Variants in HECW1 observed in about 807,000 individuals in gnomAD.
HECW1 encodes the protein HECT, C2 and WW domain containing E3 ubiquitin protein ligase 1.
In HECW1, 61 loss-of-function variants were observed where a neutral mutation model predicts 182.3. The observed-to-expected ratio is 0.33, with a 90% CI of 0.27 to 0.41. The LOEUF (loss-of-function observed/expected upper bound fraction) is 0.41. HECW1 is among the 10% of genes least tolerant of loss of function. The probability of loss-of-function intolerance (pLI) is 1.00; values close to 1 mark genes in which losing one functional copy is unlikely to be tolerated. For missense variants in HECW1, 1,739 were observed against 2,108.9 expected (o/e 0.82, Z 3.44); for synonymous variants, 859 against 832.6 (o/e 1.03, Z -0.55).
At chr7:43,555,103 C>A (rs561799247) in intron 29 of HECW1, among the ~76,000 whole-genome samples, 1 of 152,250 alleles carries the variant, frequency 6.6e-6, no homozygotes, top group African/African-American at 2.4e-5. Flanking sequence ...AGGGCAGAGG[C>A]AAGGACATTA....
intron 24 of HECW1, among the ~76,000 whole-genome samples, chr7:43,540,600 T>A (rs767131426): frequency 5.3e-5 from 8 of 152,236 alleles, no homozygotes; most frequent in Non-Finnish European, 1.2e-4. Flanking sequence ...TTTATGTGGC[T>A]GGCAATTTTA....
At chr7:43,240,316 C>T (rs968859788) in intron 2 of HECW1, among the ~76,000 whole-genome samples, 10 of 151,948 alleles carry the variant, frequency 6.6e-5, no homozygotes, top group African/African-American at 1.7e-4. Context: ...CCAGCCTAGG[C>T]GACAGAGCAA....
chr7:43,269,399 C>T (rs1015374965), intron 3 of HECW1, among the ~76,000 whole-genome samples: 1 of 152,220 alleles, frequency 6.6e-6, no homozygotes, highest in Non-Finnish European at 1.5e-5. Context: ...GTTGATTCCT[C>T]CAGGAGGTTT....
intron 3 of HECW1, among the ~76,000 whole-genome samples, chr7:43,287,652 T>C (rs1804829750): frequency 6.6e-6 from 1 of 151,666 alleles, no homozygotes. Context: ...TTTAGGTTTT[T>C]TAAAGGTTTC....
chr7:43,186,460 G>T (rs1042075994), intron 2 of HECW1, among the ~76,000 whole-genome samples: 24 of 152,216 alleles, frequency 1.6e-4, no homozygotes, highest in African/African-American at 5.3e-4. Flanking sequence ...GAGGTCAGGA[G>T]ATTGAGACCA....
intron 24 of HECW1, among the ~76,000 whole-genome samples, chr7:43,524,238 G>A (rs937309896): frequency 1.2e-4 from 18 of 152,196 alleles, no homozygotes; most frequent in African/African-American, 4.3e-4. Flanking sequence ...AAGAGTGTGA[G>A]AAAAAAAGCT....
At chr7:43,295,204 G>T (rs879791534) in intron 3 of HECW1, among the ~76,000 whole-genome samples, 1 of 152,134 alleles carries the variant, frequency 6.6e-6, no homozygotes, top group Non-Finnish European at 1.5e-5. Context: ...AGTTCTGCCT[G>T]TTATTTGTCC....
In HECW1 at chr7:43,211,551, A is replaced by G. The variant is rs551137528; in HGVS notation, c.-31-32324A>G. Among the ~76,000 whole-genome samples, 17 of 152,250 alleles carry G rather than the reference A, an allele frequency of 1.1e-4. No individual in the cohort carries two copies. The South Asian group carries it at 3.1e-3, about 28-fold the overall frequency. On this transcript the variant is annotated intron_variant, in intron 2 of 29. Transcript: ENST00000395891. ...GATTCCCAGGGGTGAAAGACTTTCC[A>G]AGGGGGACTCAAGCATGGAGATTCT...
intron 5 of HECW1, among the ~76,000 whole-genome samples, chr7:43,329,259 G>C (rs1811166710): frequency 6.6e-6 from 1 of 152,058 alleles, no homozygotes; most frequent in Admixed American, 6.6e-5. Flanking sequence ...AGGAGCCCAG[G>C]GTCAGAGGTT....
In HECW1 at chr7:43,167,673, C is replaced by T. The variant is rs115496254; in HGVS notation, c.-32+53282C>T. ...AAAAAAGAAGGATGAGGGATTGTGG[C>T]GTAAAAGCCAAACCTTCACAAATTT... On this transcript the variant is annotated intron_variant, in intron 2 of 29. Coordinates refer to ENST00000395891, the MANE Select transcript of HECW1 (RefSeq NM_015052.5). Among the ~76,000 whole-genome samples the T allele has an allele frequency of 7.0e-3, 1,069 of 152,240 alleles. 7 individuals carry two copies. Among genetic ancestry groups the T allele is most frequent in the African/African-American group, 0.024 (1,014 of 41,536 alleles).
At chr7:43,544,267 T>G (rs1259037531) in intron 26 of HECW1, among the ~76,000 whole-genome samples, 1 of 152,194 alleles carries the variant, frequency 6.6e-6, no homozygotes, top group African/African-American at 2.4e-5. Flanking sequence ...GACTATTTCT[T>G]TCAATATCAG....
At chr7:43,299,561 C>T (rs1171415453) in intron 3 of HECW1, among the ~76,000 whole-genome samples, 2 of 152,206 alleles carry the variant, frequency 1.3e-5, no homozygotes, top group African/African-American at 4.8e-5. Flanking sequence ...TTCCAAACTG[C>T]CTCAATTGTT....
At position 43,488,434 on chromosome 7, in the gene HECW1, G is replaced by GAGAAAGAAAAAGAA. The variant is rs1554440504; in HGVS notation, c.3235-3632_3235-3631insAAGAAAGAAAGAAA. 6.4e-5 allele frequency among the ~76,000 whole-genome samples: 6 copies of GAGAAAGAAAAAGAA among 93,082 alleles called. No homozygotes were observed. The East Asian group carries it at 1.5e-3, about 23-fold the overall frequency. The allele number at this position is 93,082 out of a possible 152,430, so 61.1% of individuals were successfully genotyped here. A position where few individuals can be genotyped will look rare whatever the true frequency, so the allele number is the denominator to read the frequency against. Reference sequence around the variant, plus strand: ...AAAGAGAGAGAGAGAAAGAAAGAAAGAGAAAGAAAGAAAGAAAGAAAGAAA... The same window carrying GAGAAAGAAAAAGAA: ...AAAGAGAGAGAGAGAAAGAAAGAAAGAGAAAGAAAAAGAAAGAAAGAAAGAAAGAAAGAAAGAAA... On this transcript the variant is annotated intron_variant, in intron 17 of 29. Coordinates refer to ENST00000395891, the MANE Select transcript of HECW1 (RefSeq NM_015052.5).
chr7:43,546,501 G>A (rs746921693), intron 26 of HECW1, among the ~76,000 whole-genome samples: 3 of 151,718 alleles, frequency 2.0e-5, no homozygotes, highest in South Asian at 4.2e-4. Context: ...AAGTTCCTAT[G>A]ACTCCTGATC....
chr7:43,301,699 C>T (rs1213970470), intron 3 of HECW1, among the ~76,000 whole-genome samples: 1 of 151,982 alleles, frequency 6.6e-6, no homozygotes, highest in Non-Finnish European at 1.5e-5. Flanking sequence ...ATGGTGAAAC[C>T]CCTTCTCTAC....
chr7:43,552,160 A>G (rs1395263916), intron 27 of HECW1, 62 bp from the exon 28 acceptor site: 3 of 980,150 alleles, frequency 3.1e-6, no homozygotes, highest in Admixed American at 3.4e-5. Flanking sequence ...CATAAATATA[A>G]TAATGAACAT....
At chr7:43,155,024 G>A (rs1789727482) in intron 2 of HECW1, among the ~76,000 whole-genome samples, 1 of 152,122 alleles carries the variant, frequency 6.6e-6, no homozygotes, top group Non-Finnish European at 1.5e-5. Context: ...TACAACGCAA[G>A]GCTGCAGCTC....
chr7:43,360,745 G>A, intron 5 of HECW1, 141 bp from the exon 6 acceptor site: 1 of 685,052 alleles, frequency 1.5e-6, no homozygotes, highest in Non-Finnish European at 2.6e-6. Flanking sequence ...GAGGCCACAT[G>A]AGGAGCATCA....
chr7:43,245,277 A>G (rs1472935580), intron 3 of HECW1: 1 of 151,930 alleles, frequency 6.6e-6, no homozygotes, highest in Non-Finnish European at 1.5e-5. Flanking sequence ...AGCTTACTCC[A>G]CCCTCCAGCC....
Sources: allele counts gnomAD v4.1 joint callset (sites outside exome capture counted in the v4.1 genomes callset), GRCh38; gene constraint gnomAD v4.1.1; transcripts MANE v1.5; gene names NCBI Gene and HGNC (gene_info 2026-07-23, HGNC 2026-07-21).